The following SHISA5 variants were observed in gnomAD, a reference collection of about 807,000 sequenced individuals.
The protein encoded by SHISA5 is shisa family member 5, also known as protein shisa-5.
Under a neutral mutation model 27.5 loss-of-function variants are expected in SHISA5, and 21 were observed. That is an observed-to-expected ratio of 0.76 (90% CI 0.54 to 1.10). SHISA5 has a LOEUF of 1.10. Ranked by LOEUF, SHISA5 falls within the 50% of genes least tolerant of loss-of-function variation. The pLI is 0.00. For synonymous variants in SHISA5, 137 were observed against 142.2 expected, an observed-to-expected ratio of 0.96 and a Z score of 0.26; for missense variants, 314 against 336.3, an observed-to-expected ratio of 0.93 and a Z score of 0.52.
At chr3:48,471,554 CAAAAAAAA>C in intron 3 of SHISA5, among the ~76,000 whole-genome samples, 1 of 16,722 alleles carries the variant, frequency 6.0e-5, no homozygotes, top group East Asian at 2.0e-3. Flanking sequence ...GACTCTGTCT[CAAAAAAAA>C]AAAAAAAAAA....
intron 3 of SHISA5, among the ~76,000 whole-genome samples, chr3:48,475,657 G>A (rs1388666421): frequency 1.3e-5 from 2 of 152,232 alleles, no homozygotes; most frequent in South Asian, 4.1e-4. Context: ...CACTGTGGCA[G>A]TGGAGTCACA....
chr3:48,496,316 G>A (rs1159444951), intron 2 of SHISA5, among the ~76,000 whole-genome samples: 4 of 150,230 alleles, frequency 2.7e-5, no homozygotes, highest in African/African-American at 4.9e-5. Flanking sequence ...AAATTAGGCC[G>A]GGTGCAGTGG....
chr3:48,493,361 T>C lies in SHISA5; in HGVS notation c.233+7776A>G, dbSNP rs920354226. On this transcript the variant is annotated intron_variant, in intron 2 of 5. Transcript: ENST00000296444. ...CAGAGGATGGCTTGAGCCCAGGAGG[T>C]AGAGGCTGCAGTGAGCTGAGACTGT... Among the ~76,000 whole-genome samples, 85 of 146,018 alleles carry C rather than the reference T, an allele frequency of 5.8e-4. 17 individuals are homozygous for C. The highest frequency in any genetic ancestry group is 2.3e-3 in the African/African-American group (84 of 36,370).
chr3:48,486,551 T>C (rs2041252681), intron 2 of SHISA5, among the ~76,000 whole-genome samples: 1 of 123,002 alleles, frequency 8.1e-6, no homozygotes, highest in Non-Finnish European at 1.6e-5. Context: ...ATATATTATA[T>C]ATTATATAGA....
chr3:48,494,960 G>A (rs1346758751), intron 2 of SHISA5, among the ~76,000 whole-genome samples: 1 of 146,880 alleles, frequency 6.8e-6, no homozygotes, highest in Non-Finnish European at 1.5e-5. Flanking sequence ...TTTACTGTAT[G>A]TAATTATATA....
intron 2 of SHISA5, among the ~76,000 whole-genome samples, chr3:48,485,389 G>A (rs2041169573): frequency 6.6e-6 from 1 of 150,920 alleles, no homozygotes; most frequent in African/African-American, 2.4e-5. Flanking sequence ...CAGCTACTAG[G>A]GAGGCTGAGG....
At position 48,473,025 on chromosome 3, in the gene SHISA5, G is replaced by C; in HGVS notation, c.315-3182C>G. 3.9e-6 allele frequency: 6 copies of C among 1,535,960 alleles called. No individual in the cohort carries two copies. Among genetic ancestry groups the C allele is most frequent in the Non-Finnish European group, 5.2e-6 (6 of 1,146,848 alleles). ...CCAAGCTCACCCCATGTTAGCCTCT[G>C]CCTTCACCCAGAGGCCTCCTGTACC... On this transcript the variant is annotated intron_variant, in intron 3 of 5. Transcript: ENST00000296444. The surrounding 1 kb of genome is among the most constrained non-coding windows in gnomAD (Gnocchi z 4.3).
intron 2 of SHISA5, among the ~76,000 whole-genome samples, chr3:48,479,880 CACACCTGGCCT>C (rs1190230733): frequency 2.7e-5 from 4 of 150,940 alleles, no homozygotes; most frequent in African/African-American, 9.8e-5. Flanking sequence ...CGTTAGCCAC[CACACCTGGCCT>C]ACATTTCCAC....
chr3:48,482,405 G>A (rs922514029), intron 2 of SHISA5, among the ~76,000 whole-genome samples: 16 of 151,832 alleles, frequency 1.1e-4, no homozygotes, highest in African/African-American at 1.9e-4. Context: ...ACCCTGTCTC[G>A]AAAACAATAA....
chr3:48,470,772 C>G lies in SHISA5; in HGVS notation c.315-929G>C, dbSNP rs995271902. 1.3e-5 allele frequency among the ~76,000 whole-genome samples: 2 copies of G among 152,084 alleles called. No homozygotes were observed. The highest frequency in any genetic ancestry group is 2.9e-5 in the Non-Finnish European group (2 of 68,006). On this transcript the variant is annotated intron_variant, in intron 3 of 5. Transcript: ENST00000296444. The surrounding 1 kb of genome is among the most constrained non-coding windows in gnomAD (Gnocchi z 4.3). ...TGAAACCCTGTCTCTACTAAAAATA[C>G]AAAAATTAGTCGGGCACGGTGGCGG...
chr3:48,479,765 G>C (rs1363912137), intron 2 of SHISA5, among the ~76,000 whole-genome samples: 2 of 151,964 alleles, frequency 1.3e-5, no homozygotes, highest in Non-Finnish European at 2.9e-5. Flanking sequence ...GCTAATTTTT[G>C]TATTTTTAGT....
chr3:48,500,113 A>G (rs1358870897), intron 2 of SHISA5, among the ~76,000 whole-genome samples: 1 of 152,172 alleles, frequency 6.6e-6, no homozygotes, highest in African/African-American at 2.4e-5. Context: ...CACTGAAGCT[A>G]TCTATCATGA....
chr3:48,474,150 C>T (rs760365309), intron 3 of SHISA5, among the ~76,000 whole-genome samples: 53 of 151,398 alleles, frequency 3.5e-4, no homozygotes, highest in Non-Finnish European at 4.9e-4. Flanking sequence ...TGCAGTGGCA[C>T]GATCACAGCT....
chr3:48,476,559 C>T (rs1317688854), intron 3 of SHISA5, among the ~76,000 whole-genome samples: 1 of 152,188 alleles, frequency 6.6e-6, no homozygotes, highest in East Asian at 1.9e-4. Context: ...CTCCAGTGGA[C>T]AAACAGTGCC....
chr3:48,479,113 GC>G (rs1199825412), intron 3 of SHISA5, 63 bp downstream of exon 3: 15 of 1,433,338 alleles, frequency 1.0e-5, no homozygotes, highest in Admixed American at 2.0e-5. Flanking sequence ...ATGCACACTG[GC>G]CCCCCTGAGC....
Position 48,499,548 on chromosome 3 carries a change from C to T in SHISA5, c.233+1589G>A, listed in dbSNP as rs186240726. ...ACAAAAATTAGGCCGGGCGTGGTGG[C>T]GGGCGCCTGTAGTTCCAGCTACTTG... is the stretch of plus-strand genomic sequence containing the variant. On this transcript the variant is annotated intron_variant, in intron 2 of 5. Transcript: ENST00000296444. Among the ~76,000 whole-genome samples, 530 of 150,722 alleles carry T rather than the reference C, an allele frequency of 3.5e-3. 3 individuals carry two copies. The highest frequency in any genetic ancestry group is 0.012 in the African/African-American group (508 of 41,006).
At chr3:48,485,509 A>G (rs947143673) in intron 2 of SHISA5, among the ~76,000 whole-genome samples, 1 of 140,228 alleles carries the variant, frequency 7.1e-6, no homozygotes, top group Non-Finnish European at 1.5e-5. Context: ...CTCAAAAAAT[A>G]TATATTTTTA....
chr3:48,468,243 G>A lies in SHISA5; in HGVS notation c.*864C>T, dbSNP rs2040430222. 1 of 1,000,816 alleles carries A rather than the reference G, an allele frequency of 1.0e-6. No homozygotes were observed. The highest frequency in any genetic ancestry group is 5.3e-5 in the Admixed American group (1 of 18,908). 62.0% of individuals were successfully genotyped at this position (1,000,816 alleles called of 1,614,324 possible). ...CTATCATGTTTGAAACAGAAAACAG[G>A]CAAAATGTTTGGCTAAAATAAAATG... is the stretch of plus-strand genomic sequence containing the variant. On this transcript the variant is annotated 3_prime_UTR_variant, in exon 6 of 6. Transcript: ENST00000296444.
chr3:48,469,353 G>A lies in SHISA5; in HGVS notation c.643+8C>T. ...TCGGGCAGGGCTAGAGTTGGCAGGG[G>A]CACTCACCAGCCAGGGTCTCGTGGT... On this transcript the variant is annotated splice_region_variant and intron_variant, in intron 5 of 5. Transcript: ENST00000296444. This position sits in a 1 kb window ranked among gnomAD's most constrained non-coding sequence, Gnocchi z 4.6. 6.3e-7 allele frequency: 1 copy of A among 1,578,284 alleles called. No individual in the cohort carries two copies. The highest frequency in any genetic ancestry group is 1.7e-4 in the Middle Eastern group (1 of 5,758).
Sources: gnomAD v4.1 joint callset for allele counts (sites outside exome capture counted in the v4.1 genomes callset) on GRCh38, gnomAD v4.1.1 for gene constraint, Gnocchi (gnomAD v3.1) non-coding constraint, MANE v1.5 for transcripts, NCBI Gene and HGNC (gene_info 2026-07-23, HGNC 2026-07-21) for gene names.